The following PTGER3 variants were observed in gnomAD, a reference collection of about 807,000 sequenced individuals.
PTGER3 encodes prostaglandin E receptor 3.
PTGER3 carries 22 observed loss-of-function variants against 34.7 expected under a neutral mutation model. The ratio of observed to expected loss-of-function variants is 0.63; its 90% CI spans 0.45 to 0.91. PTGER3 has a LOEUF of 0.91. PTGER3 is among the 40% of genes least tolerant of loss of function. The pLI, the probability that PTGER3 is intolerant of heterozygous loss-of-function variation, is 0.00. For missense variants in PTGER3, 468 were observed against 519.4 expected (o/e 0.90, Z 0.96); for synonymous variants, 241 against 230.1 (o/e 1.05, Z -0.43).
intron 1 of PTGER3, among the ~76,000 whole-genome samples, chr1:71,012,878 T>C (rs1171283695): frequency 6.6e-6 from 1 of 151,922 alleles, no homozygotes; most frequent in Non-Finnish European, 1.5e-5. Context: ...CCAGTAGTTC[T>C]AATTTTAAAA....
At chr1:71,006,327 A>G (rs991063508) in intron 2 of PTGER3, 2 of 985,312 alleles carry the variant, frequency 2.0e-6, no homozygotes, top group Admixed American at 1.2e-4. Context: ...TCTACATTTG[A>G]CAGAGCTTCT....
chr1:70,946,691 T>G (rs1650257283), intron 4 of PTGER3, among the ~76,000 whole-genome samples: 1 of 152,120 alleles, frequency 6.6e-6, no homozygotes, highest in Non-Finnish European at 1.5e-5. Flanking sequence ...TCTCCAATAG[T>G]CCACTCAACT....
At chr1:70,864,316 A>T (rs1363553085) in intron 4 of PTGER3, among the ~76,000 whole-genome samples, 5 of 152,212 alleles carry the variant, frequency 3.3e-5, no homozygotes, top group Non-Finnish European at 7.3e-5. Flanking sequence ...GTCCTCTGCT[A>T]GAATGCAATG....
At chr1:71,006,259 C>T (rs954309850) in intron 2 of PTGER3, 12 of 985,308 alleles carry the variant, frequency 1.2e-5, no homozygotes, top group Non-Finnish European at 1.3e-5. Flanking sequence ...CAGAATTCTC[C>T]TTGGATATCT....
chr1:71,007,340 G>A (rs1190589944), intron 2 of PTGER3: 7 of 985,666 alleles, frequency 7.1e-6, no homozygotes, highest in Non-Finnish European at 8.4e-6. Flanking sequence ...TTGATAAGGA[G>A]AGCAAGAAGG....
intron 4 of PTGER3, among the ~76,000 whole-genome samples, chr1:70,872,340 T>C (rs1419894155): frequency 1.3e-5 from 2 of 152,196 alleles, no homozygotes; most frequent in Non-Finnish European, 2.9e-5. Flanking sequence ...TGTGCATAAC[T>C]GATGGTGTTT....
rs78370951 is a variant in PTGER3 at position 70,892,057 on chromosome 1, T to C, written c.*24-39198A>G. On this transcript the variant is annotated intron_variant, in intron 4 of 4. Transcript: ENST00000370931. ...CCTAGACCAGCTACTTACCTCTTTATAATTATCTAGGAATAAATACTTTGG... is the reference window on the plus strand; with the variant it reads ...CCTAGACCAGCTACTTACCTCTTTACAATTATCTAGGAATAAATACTTTGG... 2.0e-3 allele frequency among the ~76,000 whole-genome samples: 306 copies of C among 152,338 alleles called. 5 individuals are homozygous for C. In the East Asian group the frequency reaches 0.037, roughly 18 times the overall value.
At chr1:70,886,234 C>A in intron 4 of PTGER3, 1 of 424,744 alleles carries the variant, frequency 2.4e-6, no homozygotes. Flanking sequence ...TTTGAGGATA[C>A]AATGAGAAGA....
At chr1:70,906,763 G>C (rs114133018) in intron 4 of PTGER3, among the ~76,000 whole-genome samples, 1 of 152,228 alleles carries the variant, frequency 6.6e-6, no homozygotes, top group African/African-American at 2.4e-5. Flanking sequence ...AAAGACAAAA[G>C]GAAAGAAGGG....
At chr1:70,983,064 C>A (rs569868877) in intron 2 of PTGER3, among the ~76,000 whole-genome samples, 125 of 151,992 alleles carry the variant, frequency 8.2e-4, no homozygotes, top group African/African-American at 2.5e-3. Context: ...AAAGGAGGCT[C>A]CCCAGACTGA....
chr1:71,003,877 G>A (rs35631379), intron 2 of PTGER3, among the ~76,000 whole-genome samples: 3,933 of 152,236 alleles, frequency 0.026, 180 homozygotes, highest in East Asian at 0.22. Context: ...CATAAATGCC[G>A]AAGAGGTCTA....
downstream of PTGER3, among the ~76,000 whole-genome samples, chr1:70,949,186 C>T (rs1475899399): frequency 6.6e-6 from 1 of 151,944 alleles, no homozygotes; most frequent in East Asian, 1.9e-4. Flanking sequence ...TAGGAACAAT[C>T]TAAGTTTCTG....
chr1:70,883,036 C>G (rs1314847559), intron 4 of PTGER3, among the ~76,000 whole-genome samples: 2 of 152,142 alleles, frequency 1.3e-5, no homozygotes, highest in Non-Finnish European at 2.9e-5. Context: ...GTTCCAACAA[C>G]TTTATGCAAA....
intron 2 of PTGER3, among the ~76,000 whole-genome samples, chr1:70,957,384 G>A (rs1431687513): frequency 6.6e-6 from 1 of 152,034 alleles, no homozygotes; most frequent in Non-Finnish European, 1.5e-5. Flanking sequence ...TATAAATAGA[G>A]CAATTTGACC....
chr1:70,960,707 C>T (rs769316714), intron 2 of PTGER3, among the ~76,000 whole-genome samples: 1 of 151,946 alleles, frequency 6.6e-6, no homozygotes, highest in Non-Finnish European at 1.5e-5. Flanking sequence ...TGGCCTTGAT[C>T]AGTGGGAAAG....
In PTGER3 at chr1:71,008,353, C is replaced by T; in HGVS notation, c.1077+3952G>A. ...ATTATATTTCTAGAGAATCATAATG[C>T]ACTCTGCTTATGGTATCATAATGTA... On this transcript the variant is annotated intron_variant, in intron 2 of 3. Transcript: ENST00000306666. 4.7e-6 allele frequency: 4 copies of T among 859,164 alleles called. No individual in the cohort carries two copies. In the South Asian group the frequency reaches 1.6e-4, roughly 35 times the overall value. The allele number at this position is 859,164 out of a possible 1,614,324, so 53.2% of individuals were successfully genotyped here. A position where few individuals can be genotyped will look rare whatever the true frequency, so the allele number is the denominator to read the frequency against.
intron 1 of PTGER3, among the ~76,000 whole-genome samples, chr1:71,022,568 A>C (rs552660320): frequency 6.6e-6 from 1 of 151,890 alleles, no homozygotes; most frequent in Non-Finnish European, 1.5e-5. Context: ...TTAAGACTTC[A>C]TCTCACAGGA....
At chr1:71,024,439 G>A (rs1022528) in intron 1 of PTGER3, among the ~76,000 whole-genome samples, 59,282 of 151,798 alleles carry the variant, frequency 0.39, 12,050 homozygotes, top group East Asian at 0.67. Flanking sequence ...CTCAATAATC[G>A]AAAATTGTTA....
intron 2 of PTGER3, among the ~76,000 whole-genome samples, chr1:70,986,518 G>T (rs555292731): frequency 6.6e-6 from 1 of 152,248 alleles, no homozygotes; most frequent in African/African-American, 2.4e-5. Flanking sequence ...TGACAGTGGG[G>T]TCAAGGAAGC....
Sources: gnomAD v4.1 joint callset for allele counts (sites outside exome capture counted in the v4.1 genomes callset) on GRCh38, gnomAD v4.1.1 for gene constraint, MANE v1.5 for transcripts, NCBI Gene and HGNC (gene_info 2026-07-23, HGNC 2026-07-21) for gene names.